Variants in FIP1L1 observed in about 807,000 individuals in gnomAD.
FIP1L1 encodes factor interacting with PAPOLA and CPSF1.
In FIP1L1, 21 loss-of-function variants were observed where a neutral mutation model predicts 84.6. The ratio of observed to expected loss-of-function variants is 0.25; its 90% CI spans 0.18 to 0.36. The LOEUF (loss-of-function observed/expected upper bound fraction) is 0.36. FIP1L1 is among the 10% of genes least tolerant of loss of function. The pLI is 1.00. For missense variants in FIP1L1, 526 were observed against 751.1 expected, an observed-to-expected ratio of 0.70 and a Z score of 3.50; for synonymous variants, 263 against 242.3, an observed-to-expected ratio of 1.09 and a Z score of -0.80.
chr4:53,381,753 C>CTATTTTTTTTTTTTTTTTT (rs1738042093), intron 3 of FIP1L1, among the ~76,000 whole-genome samples: 1 of 87,948 alleles, frequency 1.1e-5, no homozygotes, highest in Non-Finnish European at 2.0e-5. Context: ...CATTTGCATT[C>CTATTTTTTTTTTTTTTTTT]TTTTTTTTTT....
intron 11 of FIP1L1, among the ~76,000 whole-genome samples, chr4:53,425,060 T>G (rs983893163): frequency 6.6e-6 from 1 of 152,142 alleles, no homozygotes; most frequent in Non-Finnish European, 1.5e-5. Flanking sequence ...AAAGGCAGTA[T>G]TGTTCAGAAC....
At chr4:53,379,351 A>G in intron 3 of FIP1L1, 87 bp downstream of exon 3, 3 of 1,133,004 alleles carry the variant, frequency 2.6e-6, no homozygotes, top group Admixed American at 4.8e-5. Context: ...TCTTACAATC[A>G]TTGGCTTCAT....
intron 10 of FIP1L1, among the ~76,000 whole-genome samples, chr4:53,402,565 T>G (rs1482644788): frequency 5.3e-5 from 8 of 152,002 alleles, no homozygotes; most frequent in Non-Finnish European, 5.9e-5. Context: ...AGCTGGGCAT[T>G]GCGAAGCAAA....
intron 13 of FIP1L1, among the ~76,000 whole-genome samples, chr4:53,434,994 A>G (rs7684450): frequency 0.81 from 123,588 of 152,096 alleles, 50,349 homozygotes; most frequent in Non-Finnish European, 0.85. Flanking sequence ...TAATACCATG[A>G]ATTTTTGGTC....
intron 5 of FIP1L1, among the ~76,000 whole-genome samples, chr4:53,385,844 G>T (rs536034856): frequency 6.6e-6 from 1 of 152,162 alleles, no homozygotes; most frequent in South Asian, 2.1e-4. Flanking sequence ...GTAAAGTACA[G>T]GCATTTGTGA....
In FIP1L1 at chr4:53,417,757, ACACACACTCTCTCTCTCTCTCTCT is replaced by A. The variant is rs1383507525; in HGVS notation, c.923+3037_923+3060del. The stretch of plus-strand genomic sequence containing the variant: ...TTTTTAAACACACACACACACACAC[ACACACACTCTCTCTCTCTCTCTCT>A]CTCTCTCTCTCTCTCTCTCTCTCTC... On this transcript the variant is annotated intron_variant, in intron 11 of 17. Transcript: ENST00000337488. 4.1e-3 allele frequency among the ~76,000 whole-genome samples: 144 copies of A among 35,180 alleles called. 4 individuals are homozygous for A. Among genetic ancestry groups the A allele is most frequent in the Middle Eastern group, 0.014 (1 of 72 alleles). 23.1% of individuals were successfully genotyped at this position (35,180 alleles called of 152,430 possible). A position where few individuals can be genotyped will look rare whatever the true frequency, so the allele number is the denominator to read the frequency against.
chr4:53,387,107 A>G (rs1228702421), intron 5 of FIP1L1, among the ~76,000 whole-genome samples: 1 of 152,234 alleles, frequency 6.6e-6, no homozygotes, highest in Non-Finnish European at 1.5e-5. Context: ...TGAGATGATA[A>G]TCTAGACTAA....
chr4:53,454,166 G>A (rs1717672756), intron 16 of FIP1L1, among the ~76,000 whole-genome samples: 1 of 152,184 alleles, frequency 6.6e-6, no homozygotes, highest in Non-Finnish European at 1.5e-5. Flanking sequence ...ATGTACAACA[G>A]TGGTCTCATA....
intron 10 of FIP1L1, among the ~76,000 whole-genome samples, chr4:53,408,851 C>G (rs1224579322): frequency 6.6e-6 from 1 of 152,170 alleles, no homozygotes; most frequent in Admixed American, 6.5e-5. Flanking sequence ...TCTGTCAGCT[C>G]CTTTAAGCAC....
intron 5 of FIP1L1, among the ~76,000 whole-genome samples, chr4:53,389,403 G>C (rs913760121): frequency 1.3e-5 from 2 of 152,018 alleles, no homozygotes; most frequent in African/African-American, 4.8e-5. Flanking sequence ...GTTTGTTACA[G>C]TAGAATGTTG....
Position 53,389,846 on chromosome 4 carries a change from A to G in FIP1L1, c.370A>G (p.Thr124Ala). 6.2e-7 allele frequency: 1 copy of G among 1,602,330 alleles called. No individual in the cohort carries two copies. Among genetic ancestry groups the G allele is most frequent in the Non-Finnish European group, 8.5e-7 (1 of 1,176,308 alleles). ...GTAPVNLNIK[T>A]GGRVYGTTGT... ...AGCACCTGTAAATCTTAACATCAAG[A>G]CAGGGGGAAGAGTTTATGGAACTAC... The change falls in exon 6 of 18, where the codon ACA (threonine) becomes GCA (alanine). Residue 124 changes from threonine (T) to alanine (A), a missense_variant. Physicochemically the swap from Thr to Ala is moderately conservative, Grantham distance 58. This residue lies in a region of FIP1L1 where 169 missense variants were observed against 206.9 expected (regional missense o/e 0.82). Coordinates refer to ENST00000337488, the MANE Select transcript of FIP1L1 (RefSeq NM_030917.4).
Position 53,383,770 on chromosome 4 carries a change from T to C in FIP1L1, c.229-3T>C. On this transcript the variant is annotated splice_region_variant and splice_polypyrimidine_tract_variant and intron_variant, in intron 4 of 17. Transcript: ENST00000337488. ...ATTTTATAATTTGTTTATGTTCATG[T>C]AGAAAGTGACTGAGACCGAAGATGA... 3 of 1,603,888 alleles carry C rather than the reference T, an allele frequency of 1.9e-6. No homozygotes were observed. The highest frequency in any genetic ancestry group is 2.6e-6 in the Non-Finnish European group (3 of 1,172,374).
chr4:53,390,821 G>T (rs1310091668), intron 7 of FIP1L1, among the ~76,000 whole-genome samples, 188 bp from the exon 8 acceptor site: 1 of 152,014 alleles, frequency 6.6e-6, no homozygotes, highest in African/African-American at 2.4e-5. Flanking sequence ...TAGACTTATT[G>T]TTTATTATAA....
At position 53,415,529 on chromosome 4, in the gene FIP1L1, G is replaced by GTTT. The variant is rs770097857; in HGVS notation, c.923+816_923+818dup. 2.7e-3 allele frequency among the ~76,000 whole-genome samples: 393 copies of GTTT among 144,620 alleles called. 2 individuals carry two copies. Among genetic ancestry groups the GTTT allele is most frequent in the East Asian group, 0.012 (60 of 4,984 alleles). The allele number at this position is 144,620 out of a possible 152,430, so 94.9% of individuals were successfully genotyped here. On this transcript the variant is annotated intron_variant, in intron 11 of 17. Transcript: ENST00000337488. ...TATACAAGGGGTAATTTTGTTTTTT[G>GTTT]TTTTTTTTTTTGCTTTTGTTAGAGA...
chr4:53,405,428 G>C (rs1752776516), intron 10 of FIP1L1, among the ~76,000 whole-genome samples: 1 of 152,138 alleles, frequency 6.6e-6, no homozygotes, highest in East Asian at 1.9e-4. Flanking sequence ...AGTATAGTTT[G>C]AAGTCAGGTA....
chr4:53,407,104 G>A (rs959263493), intron 10 of FIP1L1, among the ~76,000 whole-genome samples: 5 of 151,778 alleles, frequency 3.3e-5, no homozygotes, highest in South Asian at 2.1e-4. Context: ...GTGATGTTAG[G>A]GTGTCAATTT....
intron 10 of FIP1L1, among the ~76,000 whole-genome samples, chr4:53,403,543 T>G (rs1242405454): frequency 6.6e-6 from 1 of 152,224 alleles, no homozygotes; most frequent in Non-Finnish European, 1.5e-5. Flanking sequence ...TGCTTCGGAT[T>G]TGACAAACTC....
chr4:53,432,911 G>T (rs1387479169), intron 13 of FIP1L1, among the ~76,000 whole-genome samples: 2 of 152,016 alleles, frequency 1.3e-5, no homozygotes, highest in Non-Finnish European at 2.9e-5. Flanking sequence ...TGATGTTGAA[G>T]TACATGCATA....
At chr4:53,408,101 A>G (rs543492466) in intron 10 of FIP1L1, among the ~76,000 whole-genome samples, 5 of 152,120 alleles carry the variant, frequency 3.3e-5, no homozygotes, top group Non-Finnish European at 7.4e-5. Context: ...GATGGTTTTT[A>G]CAGTTTGGCA....
Sources: allele counts gnomAD v4.1 joint callset (sites outside exome capture counted in the v4.1 genomes callset), GRCh38; gene constraint gnomAD v4.1.1; regional missense constraint gnomAD v4.1.1; transcripts MANE v1.5; gene names NCBI Gene and HGNC (gene_info 2026-07-23, HGNC 2026-07-21).